ZNF766: variants seen among roughly 807,000 people sequenced by gnomAD.
ZNF766 encodes zinc finger protein 766.
A neutral mutation model predicts 13.2 loss-of-function variants in ZNF766; 13 were observed. The ratio of observed to expected loss-of-function variants is 0.98; its 90% CI spans 0.64 to 1.56. The LOEUF (loss-of-function observed/expected upper bound fraction) is 1.56, where lower values mean the gene tolerates loss of function less well. ZNF766 is among the 40% of genes most tolerant of loss of function. The pLI, the probability that ZNF766 is intolerant of heterozygous loss-of-function variation, is 0.00. For missense variants in ZNF766, 521 were observed against 552.2 expected, an observed-to-expected ratio of 0.94 and a Z score of 0.57; for synonymous variants, 178 against 187.6, an observed-to-expected ratio of 0.95 and a Z score of 0.42.
rs917325925 is a variant in ZNF766 at position 52,280,085 on chromosome 19, C to T, written c.19-2026C>T. 4.6e-5 allele frequency among the ~76,000 whole-genome samples: 7 copies of T among 152,096 alleles called. No individual in the cohort carries two copies. The East Asian group carries it at 1.2e-3, about 25-fold the overall frequency. The stretch of plus-strand genomic sequence containing the variant: ...TGTTGGGATTACAGGCGTGAGCCAC[C>T]GCTCCCAGCTGGTCTACTTTTTTTA... On this transcript the variant is annotated intron_variant, in intron 1 of 3. Coordinates refer to ENST00000439461, the MANE Select transcript of ZNF766 (RefSeq NM_001010851.3).
intron 3 of ZNF766, among the ~76,000 whole-genome samples, chr19:52,284,038 G>A (rs778251193): frequency 6.6e-6 from 1 of 152,152 alleles, no homozygotes; most frequent in Non-Finnish European, 1.5e-5. Flanking sequence ...CCCAGCCCAC[G>A]CTGTCGTTTA....
chr19:52,281,551 A>AT (rs1568619115), intron 1 of ZNF766: 1 of 315,470 alleles, frequency 3.2e-6, no homozygotes, highest in Non-Finnish European at 6.1e-6. Flanking sequence ...TATCACGTTA[A>AT]TGAGTTAATG....
chr19:52,274,962 C>T (rs1023329919), intron 1 of ZNF766, among the ~76,000 whole-genome samples: 1 of 152,222 alleles, frequency 6.6e-6, no homozygotes, highest in Non-Finnish European at 1.5e-5. Flanking sequence ...TAGGCACCAA[C>T]ACCTAAAGAT....
At chr19:52,285,242 A>C (rs1215119811) in intron 3 of ZNF766, among the ~76,000 whole-genome samples, 9 of 152,216 alleles carry the variant, frequency 5.9e-5, no homozygotes, top group African/African-American at 2.2e-4. Context: ...TCTCTGACCA[A>C]AGGTGTGGGG....
intron 3 of ZNF766, chr19:52,288,113 C>T (rs1252136343): frequency 2.9e-6 from 1 of 344,070 alleles, no homozygotes; most frequent in Non-Finnish European, 5.5e-6. Context: ...TTCCGCCTCC[C>T]AGGTTCAAGC....
rs770141388 is a variant in ZNF766, at chr19:52,290,330, C to T, written c.539C>T (p.Ala180Val). ...CCATTGCTGTCACAAGAACAGAAAGCACACATTAGGAGAAAACCTTACGAA... is the reference window on the plus strand; with the variant it reads ...CCATTGCTGTCACAAGAACAGAAAGTACACATTAGGAGAAAACCTTACGAA... ...DFPLLSQEQK[A>V]HIRRKPYECN... The change falls in exon 4 of 4, where the codon GCA becomes GTA. Residue 180 changes from alanine (A) to valine (V), a missense_variant. Transcript: ENST00000439461. 40 of 1,614,036 alleles carry T rather than the reference C, an allele frequency of 2.5e-5. No homozygotes were observed. The highest frequency in any genetic ancestry group is 3.1e-5 in the Non-Finnish European group (37 of 1,179,976).
At chr19:52,276,018 T>TA (rs1369364078) in intron 1 of ZNF766, among the ~76,000 whole-genome samples, 2 of 152,284 alleles carry the variant, frequency 1.3e-5, no homozygotes, top group East Asian at 1.9e-4. Context: ...TGTTTTGACT[T>TA]ACGAGTACTT....
Position 52,294,771 on chromosome 19 carries a change from A to T in ZNF766, c.*3573A>T, listed in dbSNP as rs1432889205. On this transcript the variant is annotated 3_prime_UTR_variant, in exon 4 of 4. Transcript: ENST00000439461. ...GCTCCTGCCATCTTGGTTAGGAAAG[A>T]CTCTGATTTTCTTCATGATAATATC... 1 of 151,026 alleles carries T rather than the reference A, an allele frequency of 6.6e-6. No individual in the cohort carries two copies. Among genetic ancestry groups the T allele is most frequent in the Non-Finnish European group, 1.5e-5 (1 of 67,784 alleles). The allele number at this position is 151,026 out of a possible 1,614,324, so 9.4% of individuals were successfully genotyped here. A position where few individuals can be genotyped will look rare whatever the true frequency, so the allele number is the denominator to read the frequency against.
At chr19:52,282,054 G>A (rs760657711) in intron 1 of ZNF766, 57 bp from the exon 2 acceptor site, 9 of 1,563,880 alleles carry the variant, frequency 5.8e-6, no homozygotes, top group East Asian at 4.7e-5. Context: ...TTCTCATTTC[G>A]TGTGAACATA....
intron 3 of ZNF766, among the ~76,000 whole-genome samples, chr19:52,283,910 G>A (rs1211509979): frequency 1.3e-5 from 2 of 152,070 alleles, no homozygotes; most frequent in Admixed American, 1.3e-4. Flanking sequence ...GCTAATTTTT[G>A]TATTTTTAGT....
Position 52,284,163 on chromosome 19 carries a change from C to T in ZNF766, c.274+750C>T, listed in dbSNP as rs987098932. On this transcript the variant is annotated intron_variant, in intron 3 of 3. Transcript: ENST00000439461. Reference sequence around the variant, plus strand: ...CCCTGTCATGTGGCTTCTGTCAACTCTTTAGTCCTTGATTCTGAGGGTCAC... The same window carrying T: ...CCCTGTCATGTGGCTTCTGTCAACTTTTTAGTCCTTGATTCTGAGGGTCAC... Among the ~76,000 whole-genome samples, 7 of 152,358 alleles carry T rather than the reference C, an allele frequency of 4.6e-5. No individual in the cohort carries two copies. The East Asian group carries it at 1.3e-3, about 29-fold the overall frequency.
At chr19:52,288,446 A>G (rs76325821) in intron 3 of ZNF766, among the ~76,000 whole-genome samples, 10 of 152,204 alleles carry the variant, frequency 6.6e-5, no homozygotes, top group African/African-American at 2.2e-4. Context: ...GTGCAGCAGC[A>G]TGATCATAGA....
intron 3 of ZNF766, among the ~76,000 whole-genome samples, chr19:52,287,408 T>C (rs1317746029): frequency 6.6e-6 from 1 of 152,232 alleles, no homozygotes; most frequent in Non-Finnish European, 1.5e-5. Context: ...CCCAAAGTGC[T>C]GGGATTACAG....
chr19:52,283,886 C>T (rs1032797123), intron 3 of ZNF766, among the ~76,000 whole-genome samples: 16 of 152,100 alleles, frequency 1.1e-4, no homozygotes, highest in Non-Finnish European at 1.0e-4. Context: ...TACAGGCGTG[C>T]GCCACCACGC....
In ZNF766 at chr19:52,291,964, C is replaced by T. The variant is rs1982168173; in HGVS notation, c.*766C>T. On this transcript the variant is annotated 3_prime_UTR_variant, in exon 4 of 4. Coordinates refer to ENST00000439461, the MANE Select transcript of ZNF766 (RefSeq NM_001010851.3). ...GCATGTGTCTGTAGTTCCAGCTACT[C>T]AAGAGGCCGAGGCAAGAGGATTGCT... 1 of 556,716 alleles carries T rather than the reference C, an allele frequency of 1.8e-6. No homozygotes were observed. Among genetic ancestry groups the T allele is most frequent in the South Asian group, 2.4e-5 (1 of 41,440 alleles). The allele number at this position is 556,716 out of a possible 1,614,324, so 34.5% of individuals were successfully genotyped here. A position where few individuals can be genotyped will look rare whatever the true frequency, so the allele number is the denominator to read the frequency against.
intron 3 of ZNF766, among the ~76,000 whole-genome samples, chr19:52,286,016 C>A (rs571219725): frequency 1.3e-5 from 2 of 151,874 alleles, no homozygotes; most frequent in East Asian, 3.9e-4. Context: ...GATTCTGAAT[C>A]GAAATAATGG....
intron 1 of ZNF766, among the ~76,000 whole-genome samples, chr19:52,281,077 C>T (rs1459881948): frequency 2.6e-5 from 4 of 151,204 alleles, no homozygotes; most frequent in Non-Finnish European, 5.9e-5. Context: ...ATCCCTTGAA[C>T]CTGGGAGGCA....
intron 3 of ZNF766, among the ~76,000 whole-genome samples, chr19:52,284,300 C>T: frequency 6.6e-6 from 1 of 152,152 alleles, no homozygotes; most frequent in East Asian, 1.9e-4. Context: ...TCTGCATAGA[C>T]CTGCCTCCTT....
chr19:52,294,706 A>T lies in ZNF766; in HGVS notation c.*3508A>T, dbSNP rs1003544574. Reference sequence around the variant, plus strand: ...AGGCGTTGGTGTTCAGACATCACAAAATGCAGTCAACTCTAGGACAACTCT... The same window carrying T: ...AGGCGTTGGTGTTCAGACATCACAATATGCAGTCAACTCTAGGACAACTCT... On this transcript the variant is annotated 3_prime_UTR_variant, in exon 4 of 4. Transcript: ENST00000439461. 2.0e-5 allele frequency: 3 copies of T among 152,166 alleles called. No homozygotes were observed. The highest frequency in any genetic ancestry group is 1.3e-4 in the Admixed American group (2 of 15,280). The allele number at this position is 152,166 out of a possible 1,614,324, so 9.4% of individuals were successfully genotyped here.
Sources: allele counts gnomAD v4.1 joint callset (sites outside exome capture counted in the v4.1 genomes callset), GRCh38; gene constraint gnomAD v4.1.1; transcripts MANE v1.5; gene names NCBI Gene and HGNC (gene_info 2026-07-23, HGNC 2026-07-21).